The following RFX3 variants were observed in gnomAD, a reference collection of about 807,000 sequenced individuals.
The protein encoded by RFX3 is regulatory factor X3, also known as transcription factor RFX3.
RFX3 carries 14 observed loss-of-function variants against 98.6 expected under a neutral mutation model. That is an observed-to-expected ratio of 0.14 (90% CI 0.09 to 0.22). The LOEUF (loss-of-function observed/expected upper bound fraction) is 0.22, where lower values mean the gene tolerates loss of function less well. RFX3 is among the 10% of genes least tolerant of loss of function. The pLI is 1.00. For synonymous variants in RFX3, 383 were observed against 328.4 expected (o/e 1.17, Z -1.80); for missense variants, 639 against 926.9 (o/e 0.69, Z 4.03).
chr9:3,380,200 T>A (rs1357283939), intron 2 of RFX3, among the ~76,000 whole-genome samples: 4 of 152,142 alleles, frequency 2.6e-5, no homozygotes, highest in Non-Finnish European at 5.9e-5. Context: ...GTGCTGGGAT[T>A]ACAGGCATGA....
At chr9:3,361,061 A>T (rs1157733001) in intron 2 of RFX3, among the ~76,000 whole-genome samples, 1 of 152,192 alleles carries the variant, frequency 6.6e-6, no homozygotes, top group African/African-American at 2.4e-5. Flanking sequence ...CAAAAACTGT[A>T]TTAAGATCAT....
chr9:3,301,707 T>C, intron 4 of RFX3, 87 bp from the exon 5 acceptor site: 1 of 895,088 alleles, frequency 1.1e-6, no homozygotes. Flanking sequence ...TTCTTTAAAG[T>C]CCAACTTCTT....
intron 9 of RFX3, 89 bp downstream of exon 9, chr9:3,275,411 G>A: frequency 2.8e-6 from 2 of 718,894 alleles, no homozygotes; most frequent in Non-Finnish European, 4.9e-6. Flanking sequence ...AAGTTCACCT[G>A]TCCTTTAGGA....
chr9:3,429,505 T>C (rs1031774005), intron 1 of RFX3, among the ~76,000 whole-genome samples: 3 of 152,014 alleles, frequency 2.0e-5, no homozygotes, highest in African/African-American at 7.2e-5. Context: ...GAAACCTCAG[T>C]TTCTCATAAA....
intron 1 of RFX3, among the ~76,000 whole-genome samples, chr9:3,516,544 C>G (rs1323249810): frequency 6.6e-6 from 1 of 152,062 alleles, no homozygotes; most frequent in African/African-American, 2.4e-5. Context: ...ACCAGGGACC[C>G]CAAAGTAGTC....
At chr9:3,239,172 C>T (rs1819581465) in intron 15 of RFX3, among the ~76,000 whole-genome samples, 1 of 152,142 alleles carries the variant, frequency 6.6e-6, no homozygotes. Flanking sequence ...TAAATCAAAG[C>T]ATTCTGCATT....
At chr9:3,277,543 A>G in intron 7 of RFX3, 82 bp from the exon 8 acceptor site, 1 of 1,222,674 alleles carries the variant, frequency 8.2e-7, no homozygotes, top group Non-Finnish European at 1.2e-6. Context: ...CAAAGCATTC[A>G]GTTTTATTCT....
intron 1 of RFX3, among the ~76,000 whole-genome samples, chr9:3,407,122 G>A (rs1420677066): frequency 1.3e-5 from 2 of 152,128 alleles, no homozygotes; most frequent in Non-Finnish European, 2.9e-5. Context: ...TAGCTGAAAT[G>A]CTAAGAATAA....
At chr9:3,394,081 T>G (rs553979025) in intron 2 of RFX3, among the ~76,000 whole-genome samples, 11 of 152,300 alleles carry the variant, frequency 7.2e-5, no homozygotes, top group African/African-American at 2.6e-4. Context: ...TATAGTTCAA[T>G]CTAATAAACT....
rs183832564 is a variant in RFX3, at chr9:3,518,609, G to C, written c.-9+7138C>G. Among the ~76,000 whole-genome samples, 18 of 152,266 alleles carry C rather than the reference G, an allele frequency of 1.2e-4. No individual in the cohort carries two copies. The East Asian group carries it at 3.3e-3, about 28-fold the overall frequency. On this transcript the variant is annotated intron_variant, in intron 1 of 16. Coordinates refer to ENST00000617270, the MANE Select transcript of RFX3 (RefSeq NM_001282116.2). Reference sequence around the variant, plus strand: ...GACTGTTTATAGATCACTCTAAAATGAGAAAAGTATTTCATTCTGATGAAA... The same window carrying C: ...GACTGTTTATAGATCACTCTAAAATCAGAAAAGTATTTCATTCTGATGAAA...
chr9:3,316,411 C>T (rs1224269962), intron 4 of RFX3, among the ~76,000 whole-genome samples: 4 of 152,124 alleles, frequency 2.6e-5, no homozygotes, highest in Non-Finnish European at 4.4e-5. Context: ...AAACCCACAA[C>T]GAATATCATA....
At chr9:3,277,652 G>A (rs1016321332) in intron 7 of RFX3, among the ~76,000 whole-genome samples, 191 bp from the exon 8 acceptor site, 1 of 151,876 alleles carries the variant, frequency 6.6e-6, no homozygotes, top group Admixed American at 6.6e-5. Flanking sequence ...AAGAAAAAAG[G>A]GGAGAAGGGA....
At chr9:3,239,376 A>G (rs1004573712) in intron 15 of RFX3, among the ~76,000 whole-genome samples, 2 of 152,236 alleles carry the variant, frequency 1.3e-5, no homozygotes, top group Non-Finnish European at 2.9e-5. Flanking sequence ...AAGAAGGCCA[A>G]GATCTCTGGC....
In RFX3 at chr9:3,252,773, CG is replaced by C. The variant is rs1448827693; in HGVS notation, c.1814+4217del. Among the ~76,000 whole-genome samples, 13 of 151,832 alleles carry C rather than the reference CG, an allele frequency of 8.6e-5. No individual in the cohort carries two copies. In the East Asian group the frequency reaches 2.5e-3, roughly 29 times the overall value. The stretch of plus-strand genomic sequence containing the variant: ...ACCTGATTTCAGCATAAAATGCACA[CG>C]TAATACTAAATTCTGTTGGAAGTTT... On this transcript the variant is annotated intron_variant, in intron 14 of 16. Coordinates refer to ENST00000617270, the MANE Select transcript of RFX3 (RefSeq NM_001282116.2).
At chr9:3,309,296 C>A (rs1829698008) in intron 4 of RFX3, among the ~76,000 whole-genome samples, 1 of 152,008 alleles carries the variant, frequency 6.6e-6, no homozygotes. Flanking sequence ...AGTGGAGCTC[C>A]AACAAAGATA....
intron 7 of RFX3, among the ~76,000 whole-genome samples, chr9:3,282,392 A>G (rs1422475427): frequency 6.6e-6 from 1 of 151,746 alleles, no homozygotes; most frequent in Non-Finnish European, 1.5e-5. Context: ...TTGTCTCTTC[A>G]TTAGCTTTAC....
chr9:3,524,464 A>T, intron 1 of RFX3: 6 of 947,322 alleles, frequency 6.3e-6, no homozygotes, highest in Non-Finnish European at 6.3e-6. Flanking sequence ...CCAGAAAGAA[A>T]GTGAAATATA....
intron 1 of RFX3, among the ~76,000 whole-genome samples, chr9:3,460,688 C>T (rs1847606087): frequency 6.6e-6 from 1 of 151,872 alleles, no homozygotes; most frequent in Admixed American, 6.6e-5. Context: ...AATACCTTAC[C>T]TCCCTTAATC....
At chr9:3,307,984 T>C (rs901102442) in intron 4 of RFX3, among the ~76,000 whole-genome samples, 6 of 152,208 alleles carry the variant, frequency 3.9e-5, no homozygotes, top group African/African-American at 1.4e-4. Context: ...AAAAAGTTCA[T>C]TTTTTCCATT....
Sources: allele counts gnomAD v4.1 joint callset (sites outside exome capture counted in the v4.1 genomes callset), GRCh38; gene constraint gnomAD v4.1.1; transcripts MANE v1.5; gene names NCBI Gene and HGNC (gene_info 2026-07-23, HGNC 2026-07-21).